Variants in OCA2 observed in about 807,000 individuals in gnomAD.
OCA2 encodes the protein OCA2 melanosomal transmembrane protein, also known as P protein.
OCA2 carries 77 observed loss-of-function variants against 100.2 expected under a neutral mutation model. The observed-to-expected ratio is 0.77, with a 90% CI of 0.64 to 0.93. The LOEUF (loss-of-function observed/expected upper bound fraction) is 0.93. Among genes scored for constraint, OCA2 ranks in the 40% least tolerant of loss-of-function variants. OCA2 has a pLI of 0.00. For missense variants in OCA2, 1,062 were observed against 1,089.1 expected (o/e 0.98, Z 0.35); for synonymous variants, 432 against 439.2 (o/e 0.98, Z 0.21).
At chr15:28,029,003 G>C (rs1566817730) in intron 3 of OCA2, among the ~76,000 whole-genome samples, 1 of 152,142 alleles carries the variant, frequency 6.6e-6, no homozygotes, top group African/African-American at 2.4e-5. Context: ...ACTTTTGGTT[G>C]AATCCCTGAC....
the OCA2 span, among the ~76,000 whole-genome samples, chr15:27,732,341 C>G: frequency 6.6e-6 from 1 of 152,156 alleles, no homozygotes; most frequent in African/African-American, 2.4e-5. Flanking sequence ...TACACCAGAC[C>G]TGGAGGGCCC....
intron 19 of OCA2, among the ~76,000 whole-genome samples, chr15:27,910,353 G>C (rs2038340740): frequency 6.6e-6 from 1 of 152,082 alleles, no homozygotes; most frequent in Non-Finnish European, 1.5e-5. Context: ...ATACCCTGAA[G>C]GTACACCTCT....
intron 1 of OCA2, among the ~76,000 whole-genome samples, chr15:28,082,187 A>ATGGACCAATCAGCACTCTGTACAG (rs1231436215): frequency 2.6e-5 from 4 of 152,302 alleles, no homozygotes; most frequent in Non-Finnish European, 5.9e-5. Flanking sequence ...AATCTATAAA[A>ATGGACCAATCAGCACTCTGTACAG]TGGACCAATC....
chr15:27,812,266 C>A (rs540027948), intron 23 of OCA2, among the ~76,000 whole-genome samples: 2 of 152,276 alleles, frequency 1.3e-5, no homozygotes, highest in South Asian at 4.1e-4. Context: ...AAGAAGAATA[C>A]CTCTAAGTAT....
At chr15:27,845,657 C>G (rs925082023) in intron 22 of OCA2, among the ~76,000 whole-genome samples, 1 of 151,792 alleles carries the variant, frequency 6.6e-6, no homozygotes, top group South Asian at 2.1e-4. Flanking sequence ...GAGATCCAAC[C>G]CCCCACACAC....
intron 23 of OCA2, among the ~76,000 whole-genome samples, chr15:27,807,645 A>G (rs2151203280): frequency 6.6e-6 from 1 of 152,214 alleles, no homozygotes; most frequent in Non-Finnish European, 1.5e-5. Context: ...GGTAGGTTGC[A>G]CAGCTGTGGA....
chr15:27,910,960 A>AAAAG (rs534428321), intron 19 of OCA2, among the ~76,000 whole-genome samples: 2,148 of 152,130 alleles, frequency 0.014, 18 homozygotes, highest in Middle Eastern at 0.027. Flanking sequence ...CATCTAAAAA[A>AAAAG]AAAGAAAGAA....
At chr15:27,995,739 C>A (rs1177728459) in intron 9 of OCA2, among the ~76,000 whole-genome samples, 1 of 151,210 alleles carries the variant, frequency 6.6e-6, no homozygotes, top group Non-Finnish European at 1.5e-5. Context: ...TTTCCGAACA[C>A]AATGGTATAA....
chr15:27,747,797 G>A, the OCA2 span, among the ~76,000 whole-genome samples: 1 of 152,044 alleles, frequency 6.6e-6, no homozygotes, highest in African/African-American at 2.4e-5. Flanking sequence ...TTTCTCAACA[G>A]CAAATGAGAA....
intron 19 of OCA2, among the ~76,000 whole-genome samples, chr15:27,884,202 C>T (rs955466690): frequency 6.6e-6 from 1 of 152,074 alleles, no homozygotes; most frequent in Non-Finnish European, 1.5e-5. Flanking sequence ...GTCAATGTGG[C>T]GAAACCTGTC....
intron 18 of OCA2, among the ~76,000 whole-genome samples, chr15:27,932,492 G>A (rs898554254): frequency 1.9e-4 from 29 of 152,228 alleles, no homozygotes; most frequent in African/African-American, 6.0e-4. Context: ...GCTAGGGGGC[G>A]GTGGGGGCAG....
intron 23 of OCA2, among the ~76,000 whole-genome samples, chr15:27,836,254 G>A (rs2035146978): frequency 6.6e-6 from 1 of 152,208 alleles, no homozygotes; most frequent in South Asian, 2.1e-4. Flanking sequence ...TTAAGGGAGG[G>A]AAAAGGGCAG....
intron 11 of OCA2, among the ~76,000 whole-genome samples, chr15:27,987,016 C>T (rs1280713371): frequency 1.3e-5 from 2 of 152,194 alleles, no homozygotes; most frequent in Non-Finnish European, 2.9e-5. Context: ...AGAAGCCGGG[C>T]GGGAGCCAGC....
the OCA2 span, among the ~76,000 whole-genome samples, chr15:27,732,099 G>C: frequency 1.5e-4 from 23 of 152,284 alleles, no homozygotes; most frequent in African/African-American, 5.5e-4. Flanking sequence ...TATTTCAAGT[G>C]CCAATCAGCC....
At chr15:27,725,309 G>A in the OCA2 span, among the ~76,000 whole-genome samples, 12 of 152,354 alleles carry the variant, frequency 7.9e-5, no homozygotes, top group Non-Finnish European at 1.3e-4. Context: ...GGGCATGGTG[G>A]CTCACGCCTA....
chr15:28,014,699 A>T, intron 9 of OCA2, 77 bp downstream of exon 9: 1 of 1,525,648 alleles, frequency 6.6e-7, no homozygotes, highest in South Asian at 1.2e-5. Flanking sequence ...GACTGAGCCC[A>T]TCCAGAGTGT....
At chr15:27,862,721 T>C (rs1363799392) in intron 21 of OCA2, among the ~76,000 whole-genome samples, 1 of 152,102 alleles carries the variant, frequency 6.6e-6, no homozygotes. Flanking sequence ...GTGATCCACT[T>C]GCCTCAGCTT....
intron 2 of OCA2, among the ~76,000 whole-genome samples, chr15:28,038,022 C>G (rs1284552692): frequency 6.6e-6 from 1 of 152,230 alleles, no homozygotes; most frequent in Non-Finnish European, 1.5e-5. Context: ...TTCTCTTTCT[C>G]TATCCCTATC....
intron 23 of OCA2, among the ~76,000 whole-genome samples, chr15:27,757,364 T>C (rs1377703655): frequency 6.6e-6 from 1 of 152,236 alleles, no homozygotes; most frequent in Non-Finnish European, 1.5e-5. Flanking sequence ...CCTCATAGAC[T>C]AGACGTTGAC....
Sources: allele counts gnomAD v4.1 joint callset (sites outside exome capture counted in the v4.1 genomes callset), GRCh38; gene constraint gnomAD v4.1.1; transcripts MANE v1.5; gene names NCBI Gene and HGNC (gene_info 2026-07-23, HGNC 2026-07-21).